The following UBE2H variants were observed in gnomAD, a reference collection of about 807,000 sequenced individuals.
The protein encoded by UBE2H is ubiquitin-conjugating enzyme E2 H.
In UBE2H, 3 loss-of-function variants were observed where a neutral mutation model predicts 29.0. The ratio of observed to expected loss-of-function variants is 0.10; its 90% CI spans 0.05 to 0.27. The LOEUF is 0.27. Among genes scored for constraint, UBE2H ranks in the 10% least tolerant of loss-of-function variants. The probability of loss-of-function intolerance (pLI) is 1.00; values close to 1 mark genes in which losing one functional copy is unlikely to be tolerated. For synonymous variants in UBE2H, 69 were observed against 82.9 expected, an observed-to-expected ratio of 0.83 and a Z score of 0.91; for missense variants, 68 against 228.2, an observed-to-expected ratio of 0.30 and a Z score of 4.52.
At position 129,914,100 on chromosome 7, in the gene UBE2H, A is replaced by C. The variant is rs966515569; in HGVS notation, c.54-33129T>G. Among the ~76,000 whole-genome samples the C allele has an allele frequency of 5.9e-5, 9 of 152,142 alleles. 1 individual carries two copies. The highest frequency in any genetic ancestry group is 3.3e-4 in the Admixed American group (5 of 15,272). On this transcript the variant is annotated intron_variant, in intron 1 of 6. Coordinates refer to ENST00000355621, the MANE Select transcript of UBE2H (RefSeq NM_003344.4). ...ATGGGCTCTGGCCAGACAGCCTCAG[A>C]ACCACAACCAGGTGCAACATAGCTG...
intron 1 of UBE2H, among the ~76,000 whole-genome samples, 154 bp downstream of exon 1, chr7:129,952,349 G>T (rs1807894930): frequency 6.6e-6 from 1 of 152,154 alleles, no homozygotes; most frequent in Non-Finnish European, 1.5e-5. Flanking sequence ...GCCCCTGGGA[G>T]GTGCCAAGGA....
chr7:129,906,560 A>AT (rs1563041801), intron 1 of UBE2H, among the ~76,000 whole-genome samples: 2 of 152,134 alleles, frequency 1.3e-5, no homozygotes, highest in South Asian at 2.1e-4. Flanking sequence ...TGAGAAACAG[A>AT]TAGGCATCTA....
At chr7:129,893,297 A>T (rs866476131) in intron 1 of UBE2H, among the ~76,000 whole-genome samples, 29 of 152,182 alleles carry the variant, frequency 1.9e-4, no homozygotes, top group African/African-American at 5.5e-4. Flanking sequence ...AAATAGGAAA[A>T]TCATCACTAT....
chr7:129,841,566 C>T (rs1451380738), intron 5 of UBE2H, among the ~76,000 whole-genome samples: 1 of 152,180 alleles, frequency 6.6e-6, no homozygotes, highest in Non-Finnish European at 1.5e-5. Context: ...AATAACCACA[C>T]ATGGCTAGTA....
intron 3 of UBE2H, among the ~76,000 whole-genome samples, chr7:129,877,594 T>G (rs1442709185): frequency 6.6e-6 from 1 of 152,182 alleles, no homozygotes; most frequent in East Asian, 1.9e-4. Context: ...TGATACACAT[T>G]TGTAGGCATT....
intron 1 of UBE2H, among the ~76,000 whole-genome samples, chr7:129,921,309 T>C (rs765360010): frequency 6.6e-6 from 1 of 152,068 alleles, no homozygotes; most frequent in Non-Finnish European, 1.5e-5. Context: ...CTGGAGTGCA[T>C]TGGTGCAATC....
At chr7:129,849,383 A>G (rs1179731910) in intron 5 of UBE2H, among the ~76,000 whole-genome samples, 2 of 152,080 alleles carry the variant, frequency 1.3e-5, no homozygotes, top group Non-Finnish European at 2.9e-5. Flanking sequence ...TTCAAGACCA[A>G]CCTGGCCAAC....
At chr7:129,895,669 G>A (rs1806586421) in intron 1 of UBE2H, among the ~76,000 whole-genome samples, 1 of 152,126 alleles carries the variant, frequency 6.6e-6, no homozygotes, top group African/African-American at 2.4e-5. Flanking sequence ...GGGAGGTCAA[G>A]GCGGGTGGAT....
intron 1 of UBE2H, among the ~76,000 whole-genome samples, chr7:129,912,873 A>G (rs1470273837): frequency 6.6e-6 from 1 of 152,200 alleles, no homozygotes; most frequent in Non-Finnish European, 1.5e-5. Flanking sequence ...TTAATAATTA[A>G]TCACTAAAAA....
chr7:129,938,791 GTTTT>G (rs1460401985), intron 1 of UBE2H, among the ~76,000 whole-genome samples: 1 of 150,832 alleles, frequency 6.6e-6, no homozygotes, highest in African/African-American at 2.4e-5. Context: ...TGATGTTTTT[GTTTT>G]TTTGTTTTTT....
At chr7:129,936,943 A>G (rs535499418) in intron 1 of UBE2H, among the ~76,000 whole-genome samples, 1 of 151,678 alleles carries the variant, frequency 6.6e-6, no homozygotes, top group East Asian at 1.9e-4. Flanking sequence ...ACGCCACTAT[A>G]CTCCAGCCTG....
intron 6 of UBE2H, 80 bp downstream of exon 6, chr7:129,839,127 A>T: frequency 6.4e-7 from 1 of 1,558,534 alleles, no homozygotes; most frequent in Non-Finnish European, 8.6e-7. Flanking sequence ...GAACTAAGTA[A>T]TTTAAGAAGG....
chr7:129,907,778 T>C (rs2116439267), intron 1 of UBE2H, among the ~76,000 whole-genome samples: 1 of 152,212 alleles, frequency 6.6e-6, no homozygotes, highest in African/African-American at 2.4e-5. Flanking sequence ...TGCATATAAA[T>C]TATACCTCAG....
intron 3 of UBE2H, among the ~76,000 whole-genome samples, chr7:129,860,223 A>C (rs1805775180): frequency 6.6e-6 from 1 of 152,100 alleles, no homozygotes; most frequent in Non-Finnish European, 1.5e-5. Context: ...GTCTTAGACC[A>C]CTCTAGTCAC....
intron 1 of UBE2H, among the ~76,000 whole-genome samples, chr7:129,916,097 C>T (rs576787783): frequency 6.6e-6 from 1 of 152,172 alleles, no homozygotes; most frequent in South Asian, 2.1e-4. Context: ...AGCTCACATG[C>T]CTGCACTTGT....
chr7:129,928,996 G>T (rs1032987069), intron 1 of UBE2H, among the ~76,000 whole-genome samples: 2 of 152,108 alleles, frequency 1.3e-5, no homozygotes, highest in African/African-American at 4.8e-5. Context: ...ACTGTCAATT[G>T]CCCAGAGTCA....
At chr7:129,936,460 G>A (rs1807530070) in intron 1 of UBE2H, among the ~76,000 whole-genome samples, 1 of 151,582 alleles carries the variant, frequency 6.6e-6, no homozygotes, top group African/African-American at 2.4e-5. Flanking sequence ...CGGGCGTAGT[G>A]GCGGGCGCCT....
At chr7:129,913,900 G>A (rs189906580) in intron 1 of UBE2H, among the ~76,000 whole-genome samples, 9 of 152,194 alleles carry the variant, frequency 5.9e-5, no homozygotes, top group East Asian at 3.9e-4. Flanking sequence ...ACTTAACTAC[G>A]ACCCCATACT....
At chr7:129,876,118 C>T (rs1806139633) in intron 3 of UBE2H, among the ~76,000 whole-genome samples, 2 of 152,218 alleles carry the variant, frequency 1.3e-5, no homozygotes, top group Non-Finnish European at 1.5e-5. Context: ...TCTCTCCTAA[C>T]CAGTAAAGAT....
Sources: allele counts gnomAD v4.1 joint callset (sites outside exome capture counted in the v4.1 genomes callset), GRCh38; gene constraint gnomAD v4.1.1; transcripts MANE v1.5; gene names NCBI Gene and HGNC (gene_info 2026-07-23, HGNC 2026-07-21).